Variants in FRMD4A observed in about 807,000 individuals in gnomAD.
The protein encoded by FRMD4A is FERM domain-containing protein 4A.
Under a neutral mutation model 129.1 loss-of-function variants are expected in FRMD4A, and 29 were observed. The ratio of observed to expected loss-of-function variants is 0.22; its 90% CI spans 0.17 to 0.31. The LOEUF is 0.31. Among genes scored for constraint, FRMD4A ranks in the 10% least tolerant of loss-of-function variants. FRMD4A has a pLI of 1.00. For synonymous variants in FRMD4A, 634 were observed against 571.6 expected (o/e 1.11, Z -1.56); for missense variants, 1,272 against 1,375.8 (o/e 0.92, Z 1.19).
At chr10:13,893,086 G>C (rs942954755) in intron 2 of FRMD4A, among the ~76,000 whole-genome samples, 1 of 151,506 alleles carries the variant, frequency 6.6e-6, no homozygotes, top group East Asian at 2.0e-4. Flanking sequence ...ACCCAGGCTG[G>C]AGTGTGATGG....
chr10:14,245,017 C>G (rs1361561643), intron 2 of FRMD4A, among the ~76,000 whole-genome samples: 1 of 152,240 alleles, frequency 6.6e-6, no homozygotes. Context: ...CAAAGACCTT[C>G]TGAGCTCTTA....
intron 2 of FRMD4A, chr10:14,097,186 G>A (rs1166825786): frequency 6.9e-6 from 1 of 144,714 alleles, no homozygotes; most frequent in African/African-American, 2.6e-5. Context: ...AAGAAAAGGT[G>A]TCATTTGTGG....
intron 2 of FRMD4A, among the ~76,000 whole-genome samples, chr10:14,185,709 T>C (rs888570327): frequency 2.0e-5 from 3 of 152,140 alleles, no homozygotes; most frequent in Non-Finnish European, 4.4e-5. Context: ...CAGTGGCACC[T>C]TCAGTAGTTC....
At chr10:13,994,805 C>T (rs1053370928) in intron 2 of FRMD4A, among the ~76,000 whole-genome samples, 3 of 152,206 alleles carry the variant, frequency 2.0e-5, no homozygotes, top group African/African-American at 7.2e-5. Context: ...TTTCCCGTGG[C>T]ACAGCTGAGT....
chr10:13,696,749 A>T, intron 14 of FRMD4A, among the ~76,000 whole-genome samples: 1 of 149,400 alleles, frequency 6.7e-6, no homozygotes, highest in Non-Finnish European at 1.5e-5. Flanking sequence ...GAGACTGTCT[A>T]AAAAAAAAGA....
At chr10:14,142,350 G>C (rs1485533430) in intron 2 of FRMD4A, among the ~76,000 whole-genome samples, 1 of 152,110 alleles carries the variant, frequency 6.6e-6, no homozygotes, top group Non-Finnish European at 1.5e-5. Flanking sequence ...GAAACTGTCA[G>C]GCAATTTAAG....
At chr10:14,137,725 T>C (rs1038616354) in intron 2 of FRMD4A, among the ~76,000 whole-genome samples, 1 of 152,236 alleles carries the variant, frequency 6.6e-6, no homozygotes, top group Non-Finnish European at 1.5e-5. Flanking sequence ...TAGCCATCAA[T>C]TGCATATATG....
intron 24 of FRMD4A, among the ~76,000 whole-genome samples, chr10:13,650,505 C>T (rs2081482419): frequency 6.6e-6 from 1 of 152,232 alleles, no homozygotes; most frequent in African/African-American, 2.4e-5. Context: ...GTTAATTCTA[C>T]TTCTGGCTGT....
At chr10:13,698,281 C>G (rs1176084038) in intron 14 of FRMD4A, among the ~76,000 whole-genome samples, 2 of 152,094 alleles carry the variant, frequency 1.3e-5, no homozygotes, top group Non-Finnish European at 2.9e-5. Flanking sequence ...TTTGGGAGGC[C>G]TGGGCTTTGC....
Position 13,701,518 on chromosome 10 carries a change from T to C in FRMD4A, c.837-40A>G, listed in dbSNP as rs371265238. 8.2e-5 allele frequency: 130 copies of C among 1,586,774 alleles called. No homozygotes were observed. The African/African-American group carries it at 1.6e-3, about 19-fold the overall frequency. On this transcript the variant is annotated intron_variant, in intron 13 of 24. Transcript: ENST00000357447. ...ATCACAAGGTTCAATCCCATTTCTG[T>C]TGAGAGAAACCATTTCTCAGTCAAC...
chr10:14,041,577 A>G (rs1833779916), intron 2 of FRMD4A, among the ~76,000 whole-genome samples: 2 of 152,236 alleles, frequency 1.3e-5, no homozygotes, highest in Non-Finnish European at 2.9e-5. Context: ...AGATGAGTCC[A>G]TATGAGCCCC....
At chr10:14,286,435 A>C (rs1434350047) in intron 2 of FRMD4A, among the ~76,000 whole-genome samples, 2 of 152,180 alleles carry the variant, frequency 1.3e-5, no homozygotes, top group Admixed American at 1.3e-4. Flanking sequence ...GTTTTTGCTC[A>C]AATTGCATTT....
At chr10:13,682,100 T>C (rs1029046725) in intron 15 of FRMD4A, among the ~76,000 whole-genome samples, 3 of 151,702 alleles carry the variant, frequency 2.0e-5, no homozygotes, top group African/African-American at 7.3e-5. Flanking sequence ...AGTGCATGCC[T>C]GTGGTCTCAG....
intron 2 of FRMD4A, among the ~76,000 whole-genome samples, chr10:13,975,458 G>C (rs1271617432): frequency 2.6e-5 from 4 of 151,684 alleles, no homozygotes; most frequent in South Asian, 4.2e-4. Flanking sequence ...TCGTGTGTCT[G>C]TTTGTCTATT....
chr10:14,287,576 C>T (rs1157567509), intron 2 of FRMD4A, among the ~76,000 whole-genome samples: 1 of 152,142 alleles, frequency 6.6e-6, no homozygotes, highest in East Asian at 1.9e-4. Context: ...GGAGACTGCA[C>T]CCAACGACTT....
At chr10:14,222,924 C>G (rs930513380) in intron 2 of FRMD4A, among the ~76,000 whole-genome samples, 1 of 152,104 alleles carries the variant, frequency 6.6e-6, no homozygotes, top group Non-Finnish European at 1.5e-5. Context: ...CCTATCTTTA[C>G]TAAAAATACA....
At chr10:14,315,413 A>G (rs1846702962) in intron 2 of FRMD4A, among the ~76,000 whole-genome samples, 1 of 152,146 alleles carries the variant, frequency 6.6e-6, no homozygotes, top group South Asian at 2.1e-4. Flanking sequence ...CACCCAACAT[A>G]AAGATCTGAG....
In FRMD4A at chr10:13,657,114, C is replaced by G. The variant is rs2082225284; in HGVS notation, c.2475G>C (p.Gln825His). The G allele has an allele frequency of 3.2e-6, 5 of 1,557,990 alleles. No homozygotes were observed. Among genetic ancestry groups the G allele is most frequent in the Non-Finnish European group, 4.3e-6 (5 of 1,158,532 alleles). The change falls in exon 22 of 25, where the codon CAG becomes CAC. Residue 825 changes from glutamine to histidine, a missense_variant. Coordinates refer to ENST00000357447, the MANE Select transcript of FRMD4A (RefSeq NM_018027.5). ...GAGGGVYLHS[Q>H]SQPSSQYRIK... ...TGCGGTACTGCGAGCTGGGCTGGCT[C>G]TGGCTGTGCAGGTACACACCGCCCC...
chr10:14,044,021 G>A (rs558711266), intron 2 of FRMD4A, among the ~76,000 whole-genome samples: 1 of 152,270 alleles, frequency 6.6e-6, no homozygotes, highest in African/African-American at 2.4e-5. Flanking sequence ...TAGAGATGGG[G>A]TCCCACTGTG....
Sources: gnomAD v4.1 joint callset for allele counts (sites outside exome capture counted in the v4.1 genomes callset) on GRCh38, gnomAD v4.1.1 for gene constraint, MANE v1.5 for transcripts, NCBI Gene and HGNC (gene_info 2026-07-23, HGNC 2026-07-21) for gene names.